ATP1A1: variants seen among roughly 807,000 people sequenced by gnomAD.
ATP1A1 encodes sodium/potassium-transporting ATPase subunit alpha-1.
A neutral mutation model predicts 114.8 loss-of-function variants in ATP1A1; 14 were observed. That is an observed-to-expected ratio of 0.12 (90% confidence interval 0.08 to 0.19). The LOEUF is 0.19. ATP1A1 is among the 10% of genes least tolerant of loss of function. ATP1A1 has a pLI of 1.00. For synonymous variants in ATP1A1, 471 were observed against 466.3 expected (o/e 1.01, Z -0.13); for missense variants, 524 against 1,290.7 (o/e 0.41, Z 9.10).
rs746885030 is a variant in ATP1A1 at position 116,388,262 on chromosome 1, C to T, written c.501+18C>T. On this transcript the variant is annotated intron_variant, in intron 5 of 22. Coordinates refer to ENST00000295598, the MANE Select transcript of ATP1A1 (RefSeq NM_000701.8). This position sits in a 1 kb window ranked among gnomAD's most constrained non-coding sequence, Gnocchi z 5.6. Reference sequence around the variant, plus strand: ...TCCCTCAGGTACCAGACGCTTTGTCCTTCCCCAGTGGATGACTTGACAGCC... The same window carrying T: ...TCCCTCAGGTACCAGACGCTTTGTCTTTCCCCAGTGGATGACTTGACAGCC... The T allele has an allele frequency of 3.7e-5, 58 of 1,569,806 alleles. No individual in the cohort carries two copies. The highest frequency in any genetic ancestry group is 4.6e-5 in the Non-Finnish European group (53 of 1,140,002).
intron 1 of ATP1A1, chr1:116,374,012 T>C: frequency 1.6e-6 from 2 of 1,280,402 alleles, no homozygotes; most frequent in Non-Finnish European, 1.9e-6. Context: ...CCTGGGGCGC[T>C]CCGCCGGGGC....
In ATP1A1 at chr1:116,396,595, C is replaced by T. The variant is rs199962684; in HGVS notation, c.1837-3C>T. On this transcript the variant is annotated splice_region_variant and splice_polypyrimidine_tract_variant and intron_variant, in intron 13 of 22. Coordinates refer to ENST00000295598, the MANE Select transcript of ATP1A1 (RefSeq NM_000701.8). ...ATTCAACACATTGTCTTGTTTATTA[C>T]AGGTCATCATGGTCACAGGAGACCA... 11 of 1,613,258 alleles carry T rather than the reference C, an allele frequency of 6.8e-6. No individual in the cohort carries two copies. The highest frequency in any genetic ancestry group is 8.5e-6 in the Non-Finnish European group (10 of 1,179,716).
chr1:116,389,765 T>C lies in ATP1A1; in HGVS notation c.1023+58T>C. The C allele has an allele frequency of 2.5e-6, 4 of 1,601,834 alleles. No individual in the cohort carries two copies. The highest frequency in any genetic ancestry group is 2.6e-6 in the Non-Finnish European group (3 of 1,171,854). Reference sequence around the variant, plus strand: ...ATCAGCTTGCACGAATGTTACACTCTTCCGCTATCCTATTCTAAGGTATTG... The same window carrying C: ...ATCAGCTTGCACGAATGTTACACTCCTCCGCTATCCTATTCTAAGGTATTG... On this transcript the variant is annotated intron_variant, in intron 8 of 22. Coordinates refer to ENST00000295598, the MANE Select transcript of ATP1A1 (RefSeq NM_000701.8). The surrounding 1 kb of genome is among the most constrained non-coding windows in gnomAD (Gnocchi z 6.9).
intron 14 of ATP1A1, 105 bp downstream of exon 14, chr1:116,396,839 A>T (rs1652970124): frequency 7.4e-7 from 1 of 1,357,904 alleles, no homozygotes; most frequent in Admixed American, 3.2e-5. Context: ...GCTTGCTCTG[A>T]GTAGGAAATG....
chr1:116,401,373 CTAGTT>C lies in ATP1A1; in HGVS notation c.2849+116_2849+120del. On this transcript the variant is annotated intron_variant, in intron 20 of 22. Coordinates refer to ENST00000295598, the MANE Select transcript of ATP1A1 (RefSeq NM_000701.8). This position sits in a 1 kb window ranked among gnomAD's most constrained non-coding sequence, Gnocchi z 4.7. Reference sequence around the variant, plus strand: ...ACATATAGCCAGGTTTCTGGAATCTCTAGTTTATAGAGCAAATTTAGGAAGCAAGA... The same window carrying C: ...ACATATAGCCAGGTTTCTGGAATCTCTATAGAGCAAATTTAGGAAGCAAGA... 1 of 1,553,196 alleles carries C rather than the reference CTAGTT, an allele frequency of 6.4e-7. No homozygotes were observed. Among genetic ancestry groups the C allele is most frequent in the Non-Finnish European group, 8.7e-7 (1 of 1,144,150 alleles).
intron 1 of ATP1A1, chr1:116,374,052 C>A (rs1651185110): frequency 2.1e-6 from 3 of 1,404,346 alleles, no homozygotes; most frequent in Non-Finnish European, 2.8e-6. Context: ...CCCGCCGCGG[C>A]CCCGGTTCCG....
chr1:116,375,479 G>A (rs1212902615), intron 1 of ATP1A1, among the ~76,000 whole-genome samples: 1 of 152,200 alleles, frequency 6.6e-6, no homozygotes, highest in African/African-American at 2.4e-5. Context: ...GTGATGCGGT[G>A]GTAACCCACC....
chr1:116,398,241 G>T lies in ATP1A1; in HGVS notation c.2124+203G>T, dbSNP rs546359303. Among the ~76,000 whole-genome samples the T allele has an allele frequency of 1.7e-4, 26 of 152,172 alleles. No individual in the cohort carries two copies. Among genetic ancestry groups the T allele is most frequent in the Non-Finnish European group, 3.4e-4 (23 of 68,032 alleles). Reference sequence around the variant, plus strand: ...GTGACAGAAGCACTTTAAAGTCCAGGTGTCCACTGTGTCCCAGAGCCTGAC... The same window carrying T: ...GTGACAGAAGCACTTTAAAGTCCAGTTGTCCACTGTGTCCCAGAGCCTGAC... On this transcript the variant is annotated intron_variant, in intron 15 of 22. Coordinates refer to ENST00000295598, the MANE Select transcript of ATP1A1 (RefSeq NM_000701.8). The surrounding 1 kb of genome is among the most constrained non-coding windows in gnomAD (Gnocchi z 6.1).
Position 116,388,352 on chromosome 1 carries a change from G to A in ATP1A1, c.501+108G>A, listed in dbSNP as rs192823939. Reference sequence around the variant, plus strand: ...TTTCCAAGTATTACATGACTCATCAGAGAGATGGATGTCTTCTACCCCACC... The same window carrying A: ...TTTCCAAGTATTACATGACTCATCAAAGAGATGGATGTCTTCTACCCCACC... On this transcript the variant is annotated intron_variant, in intron 5 of 22. Coordinates refer to ENST00000295598, the MANE Select transcript of ATP1A1 (RefSeq NM_000701.8). This position sits in a 1 kb window ranked among gnomAD's most constrained non-coding sequence, Gnocchi z 5.6. The A allele has an allele frequency of 9.5e-6, 10 of 1,053,644 alleles. No individual in the cohort carries two copies. In the East Asian group the frequency reaches 2.0e-4, roughly 21 times the overall value. 65.3% of individuals were successfully genotyped at this position (1,053,644 alleles called of 1,614,324 possible).
At position 116,388,054 on chromosome 1, in the gene ATP1A1, A is replaced by T; in HGVS notation, c.388-77A>T. ...TTTCTCTATTAAAAATCTGTTTTTT[A>T]TTCAGTCAAAAAATTAATTGAATGT... On this transcript the variant is annotated intron_variant, in intron 4 of 22. Transcript: ENST00000295598. The surrounding 1 kb of genome is among the most constrained non-coding windows in gnomAD (Gnocchi z 5.6). 1.1e-6 allele frequency: 1 copy of T among 948,330 alleles called. No individual in the cohort carries two copies. The highest frequency in any genetic ancestry group is 2.5e-5 in the East Asian group (1 of 40,624). The allele number at this position is 948,330 out of a possible 1,614,324, so 58.7% of individuals were successfully genotyped here.
In ATP1A1 at chr1:116,404,656, AC is replaced by A; in HGVS notation, c.*213del. 2 of 1,297,156 alleles carry A rather than the reference AC, an allele frequency of 1.5e-6. No homozygotes were observed. The highest frequency in any genetic ancestry group is 1.9e-6 in the Non-Finnish European group (2 of 1,027,028). The allele number at this position is 1,297,156 out of a possible 1,614,324, so 80.4% of individuals were successfully genotyped here. A position where few individuals can be genotyped will look rare whatever the true frequency, so the allele number is the denominator to read the frequency against. On this transcript the variant is annotated 3_prime_UTR_variant, in exon 23 of 23. Transcript: ENST00000295598. This position sits in a 1 kb window ranked among gnomAD's most constrained non-coding sequence, Gnocchi z 4.8. Reference sequence around the variant, plus strand: ...TGAAAACCATCCATCTGTGGAAATGACAGCGGGGAAGGTTTTTATGTGCCTT... The same window carrying A: ...TGAAAACCATCCATCTGTGGAAATGAAGCGGGGAAGGTTTTTATGTGCCTT...
At chr1:116,390,493 CTT>C (rs1388371496) in intron 9 of ATP1A1, 82 bp downstream of exon 9, 545 of 864,220 alleles carry the variant, frequency 6.3e-4, no homozygotes, top group South Asian at 8.5e-4. Context: ...CATGAAATTT[CTT>C]TTTTTTTTTT....
In ATP1A1 at chr1:116,385,126, T is replaced by G; in HGVS notation, c.183+284T>G. ...CTTGCAGTTGGCTTCAAAGCCATGC[T>G]TATGCCTTGACCTTTTGATGATAAA... On this transcript the variant is annotated intron_variant, in intron 3 of 22. Coordinates refer to ENST00000295598, the MANE Select transcript of ATP1A1 (RefSeq NM_000701.8). The surrounding 1 kb of genome is among the most constrained non-coding windows in gnomAD (Gnocchi z 4.3). 1 of 393,276 alleles carries G rather than the reference T, an allele frequency of 2.5e-6. No homozygotes were observed. Among genetic ancestry groups the G allele is most frequent in the Non-Finnish European group, 4.6e-6 (1 of 217,600 alleles). 24.4% of individuals were successfully genotyped at this position (393,276 alleles called of 1,614,324 possible).
chr1:116,387,563 C>T lies in ATP1A1; in HGVS notation c.387+72C>T. The T allele has an allele frequency of 6.7e-7, 1 of 1,502,062 alleles. No individual in the cohort carries two copies. Among genetic ancestry groups the T allele is most frequent in the Non-Finnish European group, 9.2e-7 (1 of 1,089,734 alleles). 93.0% of individuals were successfully genotyped at this position (1,502,062 alleles called of 1,614,324 possible). A position where few individuals can be genotyped will look rare whatever the true frequency, so the allele number is the denominator to read the frequency against. ...TCTTCTCCGTCTTTGTCTCCCACTT[C>T]TTCTCAATTACCACTCATTACTTAA... On this transcript the variant is annotated intron_variant, in intron 4 of 22. Transcript: ENST00000295598. This position sits in a 1 kb window ranked among gnomAD's most constrained non-coding sequence, Gnocchi z 6.7.
intron 21 of ATP1A1, among the ~76,000 whole-genome samples, chr1:116,402,739 G>A (rs1653605642): frequency 6.6e-6 from 1 of 152,118 alleles, no homozygotes; most frequent in South Asian, 2.1e-4. Flanking sequence ...CTCTTACCCT[G>A]CCAATCCTGA....
rs1049061662 is a variant in ATP1A1, at chr1:116,381,802, G to A, written c.13-2212G>A. Among the ~76,000 whole-genome samples, 1 of 152,182 alleles carries A rather than the reference G, an allele frequency of 6.6e-6. No individual in the cohort carries two copies. Among genetic ancestry groups the A allele is most frequent in the African/African-American group, 2.4e-5 (1 of 41,434 alleles). On this transcript the variant is annotated intron_variant, in intron 1 of 22. Coordinates refer to ENST00000295598, the MANE Select transcript of ATP1A1 (RefSeq NM_000701.8). This position sits in a 1 kb window ranked among gnomAD's most constrained non-coding sequence, Gnocchi z 5.1. ...CAAAGCATGCAGATTATGAAGCTGA[G>A]GGGTTATAACTATTTCATTTATTGA...
In ATP1A1 at chr1:116,388,292, G is replaced by A; in HGVS notation, c.501+48G>A. On this transcript the variant is annotated intron_variant, in intron 5 of 22. Coordinates refer to ENST00000295598, the MANE Select transcript of ATP1A1 (RefSeq NM_000701.8). This position sits in a 1 kb window ranked among gnomAD's most constrained non-coding sequence, Gnocchi z 5.6. ...CCAGTGGATGACTTGACAGCCCCAA[G>A]CATGTCAGCCTGTGAATTAGTGTGA... 7.1e-7 allele frequency: 1 copy of A among 1,416,552 alleles called. No individual in the cohort carries two copies. The highest frequency in any genetic ancestry group is 1.2e-5 in the South Asian group (1 of 86,550). 87.7% of individuals were successfully genotyped at this position (1,416,552 alleles called of 1,614,324 possible). A position where few individuals can be genotyped will look rare whatever the true frequency, so the allele number is the denominator to read the frequency against.
intron 9 of ATP1A1, 80 bp downstream of exon 9, chr1:116,390,491 TTC>T (rs1652368839): frequency 2.1e-6 from 3 of 1,440,574 alleles, no homozygotes; most frequent in South Asian, 1.3e-5. Flanking sequence ...TGCATGAAAT[TTC>T]TTTTTTTTTT....
rs146182184 is a variant in ATP1A1 at position 116,379,337 on chromosome 1, A to AT, written c.13-4677_13-4676insT. Among the ~76,000 whole-genome samples the AT allele has an allele frequency of 6.1e-3, 929 of 152,314 alleles. 10 individuals are homozygous for AT. The highest frequency in any genetic ancestry group is 0.022 in the African/African-American group (904 of 41,562). On this transcript the variant is annotated intron_variant, in intron 1 of 22. Coordinates refer to ENST00000295598, the MANE Select transcript of ATP1A1 (RefSeq NM_000701.8). ...GCATATTTGGGTGGGCAAGAGAAGG[A>AT]ATATGAAGGCATGGTGGCCCCTCAG...
Sources: allele counts gnomAD v4.1 joint callset (sites outside exome capture counted in the v4.1 genomes callset), GRCh38; gene constraint gnomAD v4.1.1; non-coding constraint Gnocchi (gnomAD v3.1); transcripts MANE v1.5; gene names NCBI Gene and HGNC (gene_info 2026-07-23, HGNC 2026-07-21).